Variants in KIAA1328 observed in about 807,000 individuals in gnomAD.
KIAA1328 encodes protein hinderin.
In KIAA1328, 52 loss-of-function variants were observed where a neutral mutation model predicts 68.1. That is an observed-to-expected ratio of 0.76 (90% CI 0.61 to 0.96). KIAA1328 has a LOEUF of 0.96. KIAA1328 is among the 40% of genes least tolerant of loss of function. KIAA1328 has a pLI of 0.00. For synonymous variants in KIAA1328, 232 were observed against 239.4 expected (o/e 0.97, Z 0.28); for missense variants, 641 against 677.6 (o/e 0.95, Z 0.60).
At chr18:37,118,186 C>T (rs559070296) in intron 7 of KIAA1328, among the ~76,000 whole-genome samples, 5 of 151,928 alleles carry the variant, frequency 3.3e-5, no homozygotes, top group Non-Finnish European at 5.9e-5. Flanking sequence ...GTAGAGATGA[C>T]GTTTTGCTAT....
At chr18:37,019,966 G>A (rs2054283862) in intron 6 of KIAA1328, among the ~76,000 whole-genome samples, 1 of 152,182 alleles carries the variant, frequency 6.6e-6, no homozygotes, top group Non-Finnish European at 1.5e-5. Flanking sequence ...GTGGGGGATG[G>A]GGGCCAGTCT....
chr18:36,842,558 G>T (rs1393301885), intron 3 of KIAA1328, among the ~76,000 whole-genome samples: 1 of 152,020 alleles, frequency 6.6e-6, no homozygotes, highest in Non-Finnish European at 1.5e-5. Flanking sequence ...ATAGCTACCA[G>T]TACCTCTAGA....
intron 7 of KIAA1328, among the ~76,000 whole-genome samples, chr18:37,073,452 T>C (rs1351870967): frequency 6.6e-6 from 1 of 152,170 alleles, no homozygotes. Flanking sequence ...AAAACCACAA[T>C]GCGATACCAT....
At chr18:37,102,348 A>G (rs2057646690) in intron 7 of KIAA1328, among the ~76,000 whole-genome samples, 2 of 152,188 alleles carry the variant, frequency 1.3e-5, no homozygotes, top group Non-Finnish European at 2.9e-5. Context: ...TAGTGGGATG[A>G]TCTGTGAAGC....
intron 3 of KIAA1328, among the ~76,000 whole-genome samples, chr18:36,843,224 C>A (rs2046916990): frequency 6.6e-6 from 1 of 152,170 alleles, no homozygotes; most frequent in African/African-American, 2.4e-5. Context: ...TGGCATCTTA[C>A]ATTGAGCATT....
At chr18:36,901,243 T>C (rs990729525) in intron 5 of KIAA1328, among the ~76,000 whole-genome samples, 17 of 152,058 alleles carry the variant, frequency 1.1e-4, no homozygotes, top group Non-Finnish European at 1.9e-4. Flanking sequence ...GAAGCTGTTA[T>C]GTTAATGTTC....
At position 36,912,337 on chromosome 18, in the gene KIAA1328, C is replaced by T. The variant is rs548783802; in HGVS notation, c.448+26665C>T. Among the ~76,000 whole-genome samples the T allele has an allele frequency of 1.3e-5, 2 of 152,266 alleles. 1 individual carries two copies. The highest frequency in any genetic ancestry group is 4.1e-4 in the South Asian group (2 of 4,826). ...TGAAAATTCCTTTCTGTCTCTTCTT[C>T]AGGCTGCCCATATTCCTTGGCTCCT... On this transcript the variant is annotated intron_variant, in intron 5 of 9. Coordinates refer to ENST00000280020, the MANE Select transcript of KIAA1328 (RefSeq NM_020776.3).
chr18:37,008,781 A>G (rs916038966), intron 6 of KIAA1328, among the ~76,000 whole-genome samples: 4 of 152,214 alleles, frequency 2.6e-5, no homozygotes, highest in Non-Finnish European at 4.4e-5. Flanking sequence ...TGGTGGTTTA[A>G]TTGGCAGAAT....
intron 4 of KIAA1328, among the ~76,000 whole-genome samples, chr18:36,884,655 C>T (rs1351195869): frequency 6.6e-6 from 1 of 152,138 alleles, no homozygotes; most frequent in Non-Finnish European, 1.5e-5. Flanking sequence ...TTTAGATTCC[C>T]TGTGGGTTTC....
intron 6 of KIAA1328, among the ~76,000 whole-genome samples, chr18:37,020,298 T>C (rs1020188364): frequency 2.0e-5 from 3 of 152,098 alleles, no homozygotes; most frequent in South Asian, 2.1e-4. Flanking sequence ...AATTTTTGTA[T>C]TTTTAGTAGA....
In KIAA1328 at chr18:37,214,908, T is replaced by A. The variant is rs528920502; in HGVS notation, c.1524-7109T>A. Among the ~76,000 whole-genome samples the A allele has an allele frequency of 1.1e-3, 170 of 152,296 alleles. 2 individuals are homozygous for A. Among genetic ancestry groups the A allele is most frequent in the African/African-American group, 4.0e-3 (166 of 41,558 alleles). On this transcript the variant is annotated intron_variant, in intron 9 of 9. Transcript: ENST00000280020. ...ATTCTTAGGTATTTTATTCTCTTTGTAGCAATTGTGAATGGGAGTTCACTC... is the reference window on the plus strand; with the variant it reads ...ATTCTTAGGTATTTTATTCTCTTTGAAGCAATTGTGAATGGGAGTTCACTC...
chr18:36,891,497 A>G (rs2048686178), intron 5 of KIAA1328, among the ~76,000 whole-genome samples: 1 of 152,108 alleles, frequency 6.6e-6, no homozygotes, highest in Non-Finnish European at 1.5e-5. Context: ...AGTCCGTTAT[A>G]TCATTCTTAT....
chr18:37,062,992 G>T (rs1054640564), intron 6 of KIAA1328, among the ~76,000 whole-genome samples: 3 of 151,484 alleles, frequency 2.0e-5, no homozygotes, highest in African/African-American at 7.3e-5. Context: ...CCTCTGCCTA[G>T]GTTCTTAACA....
In KIAA1328 at chr18:36,829,156, C is replaced by A. The variant is rs756163358; in HGVS notation, c.18C>A (p.Gly6=). The part of the protein sequence containing the change: MADVA[G]PSRPSAAAFW... Reference sequence around the variant, plus strand: ...GTTTCAAGATGGCGGACGTGGCGGGCCCCTCCCGCCCCAGTGCCGCGGCGT... The same window carrying A: ...GTTTCAAGATGGCGGACGTGGCGGGACCCTCCCGCCCCAGTGCCGCGGCGT... Residue 6 remains glycine (G), a synonymous_variant, in exon 1 of 10, where the codon GGC becomes GGA. Transcript: ENST00000280020. The A allele has an allele frequency of 5.2e-5, 79 of 1,527,134 alleles. No individual in the cohort carries two copies. The South Asian group carries it at 9.2e-4, about 18-fold the overall frequency. 94.6% of individuals were successfully genotyped at this position (1,527,134 alleles called of 1,614,324 possible).
chr18:37,110,702 G>T (rs1228851051), intron 7 of KIAA1328, among the ~76,000 whole-genome samples: 1 of 152,138 alleles, frequency 6.6e-6, no homozygotes, highest in Non-Finnish European at 1.5e-5. Context: ...ATGGGCAAAA[G>T]TTTATGTGAA....
At chr18:37,164,137 G>A (rs1272633303) in intron 8 of KIAA1328, among the ~76,000 whole-genome samples, 1 of 152,066 alleles carries the variant, frequency 6.6e-6, no homozygotes, top group African/African-American at 2.4e-5. Context: ...TATATGTTTT[G>A]TATCTTCTCC....
intron 5 of KIAA1328, among the ~76,000 whole-genome samples, chr18:36,911,545 A>G (rs756255232): frequency 2.0e-4 from 31 of 152,158 alleles, no homozygotes; most frequent in Non-Finnish European, 3.2e-4. Flanking sequence ...CATGTAGAGT[A>G]CCTGCTTTTT....
intron 6 of KIAA1328, among the ~76,000 whole-genome samples, chr18:37,006,703 G>A (rs1255548480): frequency 6.6e-6 from 1 of 151,870 alleles, no homozygotes; most frequent in African/African-American, 2.4e-5. Context: ...GGTGTGTGAT[G>A]TTCCCCTTCT....
At chr18:36,841,580 C>G (rs780524446) in intron 3 of KIAA1328, among the ~76,000 whole-genome samples, 5 of 151,948 alleles carry the variant, frequency 3.3e-5, no homozygotes, top group African/African-American at 4.8e-5. Flanking sequence ...TTTTCCATAT[C>G]GGGGTTCGCC....
Sources: gnomAD v4.1 joint callset for allele counts (sites outside exome capture counted in the v4.1 genomes callset) on GRCh38, gnomAD v4.1.1 for gene constraint, MANE v1.5 for transcripts, NCBI Gene and HGNC (gene_info 2026-07-23, HGNC 2026-07-21) for gene names.